NCF2: variants seen among roughly 807,000 people sequenced by gnomAD.
NCF2 encodes neutrophil cytosol factor 2.
Under a neutral mutation model 70.9 loss-of-function variants are expected in NCF2, and 45 were observed. The ratio of observed to expected loss-of-function variants is 0.63; its 90% CI spans 0.50 to 0.81. The LOEUF is 0.81. Ranked by LOEUF, NCF2 falls within the 40% of genes least tolerant of loss-of-function variation. The probability of loss-of-function intolerance (pLI) is 0.00; values close to 1 mark genes in which losing one functional copy is unlikely to be tolerated. For synonymous variants in NCF2, 203 were observed against 233.6 expected (o/e 0.87, Z 1.19); for missense variants, 522 against 631.6 (o/e 0.83, Z 1.86).
At chr1:183,563,058 G>A in intron 13 of NCF2, 137 bp downstream of exon 13, 1 of 794,126 alleles carries the variant, frequency 1.3e-6, no homozygotes. Flanking sequence ...AAGGGAGGCA[G>A]AGCTGTGACT....
intron 9 of NCF2, 94 bp downstream of exon 9, chr1:183,566,825 TC>T: frequency 6.8e-7 from 1 of 1,480,918 alleles, no homozygotes; most frequent in Non-Finnish European, 9.4e-7. Context: ...TCTCCAGGGG[TC>T]CTGACAACAC....
At chr1:183,568,738 G>A (rs1433060936) in intron 7 of NCF2, among the ~76,000 whole-genome samples, 1 of 150,854 alleles carries the variant, frequency 6.6e-6, no homozygotes, top group Non-Finnish European at 1.5e-5. Flanking sequence ...TGCAGCCAGT[G>A]CGAAACCGAT....
At chr1:183,593,753 A>G (rs7533521), upstream of NCF2, among the ~76,000 whole-genome samples, 68,520 of 151,962 alleles carry the variant, frequency 0.45, 15,885 homozygotes, top group African/African-American at 0.53. Context: ...AGTCTATTTA[A>G]TCATTACTTG....
upstream of NCF2, among the ~76,000 whole-genome samples, chr1:183,592,896 G>A (rs1008510066): frequency 6.6e-6 from 1 of 152,020 alleles, no homozygotes; most frequent in Non-Finnish European, 1.5e-5. Flanking sequence ...GCATCTGTGC[G>A]ACTCGTGCTA....
At chr1:183,566,792 C>T (rs995030312) in intron 9 of NCF2, 128 bp downstream of exon 9, 290 of 1,196,802 alleles carry the variant, frequency 2.4e-4, no homozygotes, top group African/African-American at 1.2e-4. Flanking sequence ...CATCTCAAGG[C>T]GGGCTCAAGA....
chr1:183,576,210 G>T (rs578257172), intron 3 of NCF2, among the ~76,000 whole-genome samples: 43 of 152,288 alleles, frequency 2.8e-4, no homozygotes, highest in African/African-American at 1.0e-3. Context: ...GACAAAGAGG[G>T]CCTTAGACCC....
intron 13 of NCF2, 146 bp from the exon 14 acceptor site, chr1:183,560,419 T>C: frequency 1.1e-6 from 1 of 914,028 alleles, no homozygotes; most frequent in Admixed American, 2.1e-5. Flanking sequence ...AGAGCTTATA[T>C]GCTCTTTATG....
intron 14 of NCF2, among the ~76,000 whole-genome samples, chr1:183,559,008 G>A (rs994489061): frequency 2.0e-5 from 3 of 152,292 alleles, no homozygotes; most frequent in East Asian, 1.9e-4. Context: ...TTTTTGTGTC[G>A]AGGTAGAGAA....
chr1:183,601,576 G>T, the NCF2 span, among the ~76,000 whole-genome samples: 1 of 152,166 alleles, frequency 6.6e-6, no homozygotes, highest in African/African-American at 2.4e-5. Context: ...TGGTGAATCA[G>T]GCTGAGCACG....
At position 183,556,166 on chromosome 1, in the gene NCF2, A is replaced by C; in HGVS notation, c.1533T>G (p.Val511=). 1 of 1,614,194 alleles carries C rather than the reference A, an allele frequency of 6.2e-7. No homozygotes were observed. The highest frequency in any genetic ancestry group is 8.5e-7 in the Non-Finnish European group (1 of 1,180,016). The change falls in exon 15 of 15, where the codon GTT becomes GTG. Residue 511 remains valine (V), a synonymous_variant. Transcript: ENST00000367535. ...CCAAATCTGTAGTTGCGCAGTCTTC[A>C]ACAAAAACTTTGGGGAAAATGCCCA... ...GKVGIFPKVF[V]EDCATTDLES...
upstream of NCF2, among the ~76,000 whole-genome samples, chr1:183,594,216 G>A (rs1024229523): frequency 6.6e-6 from 1 of 151,768 alleles, no homozygotes; most frequent in Non-Finnish European, 1.5e-5. Context: ...GACCAGCCTG[G>A]GCAATGAAGC....
chr1:183,556,423 C>CATG (rs1191893924), intron 14 of NCF2, among the ~76,000 whole-genome samples, 193 bp from the exon 15 acceptor site: 16 of 152,142 alleles, frequency 1.1e-4, no homozygotes, highest in African/African-American at 3.9e-4. Context: ...CTGTCTTAAA[C>CATG]ATGATAATGA....
chr1:183,593,372 CCT>C (rs59507872), upstream of NCF2, among the ~76,000 whole-genome samples: 8,596 of 152,156 alleles, frequency 0.056, 746 homozygotes, highest in African/African-American at 0.19. Flanking sequence ...CTTCATGGCC[CCT>C]GTTTTTAAAC....
chr1:183,600,711 C>A, the NCF2 span, among the ~76,000 whole-genome samples: 49 of 152,072 alleles, frequency 3.2e-4, no homozygotes, highest in African/African-American at 1.1e-3. Context: ...GGCTTAGACT[C>A]TTTTCTGGGT....
upstream of NCF2, among the ~76,000 whole-genome samples, chr1:183,593,273 A>T (rs145252977): frequency 7.8e-4 from 119 of 152,290 alleles, no homozygotes; most frequent in African/African-American, 2.8e-3. Flanking sequence ...AGGCCAAGCC[A>T]CTATCAACTC....
chr1:183,585,467 A>G (rs1169894936), intron 2 of NCF2, among the ~76,000 whole-genome samples: 1 of 152,066 alleles, frequency 6.6e-6, no homozygotes, highest in Admixed American at 6.5e-5. Context: ...CTACTGAAAA[A>G]TACACAAATT....
chr1:183,569,008 A>G, intron 7 of NCF2, 134 bp downstream of exon 7: 2 of 835,820 alleles, frequency 2.4e-6, no homozygotes, highest in Middle Eastern at 2.9e-4. Flanking sequence ...GACATTCTAG[A>G]AGAAGCCTGA....
chr1:183,599,437 T>TCTTTCTTTC, the NCF2 span, among the ~76,000 whole-genome samples: 14 of 96,786 alleles, frequency 1.4e-4, no homozygotes, highest in African/African-American at 3.9e-4. Context: ...TTTCTTTCTT[T>TCTTTCTTTC]CTTTCTTTCT....
intron 2 of NCF2, among the ~76,000 whole-genome samples, chr1:183,581,555 C>T (rs1426612303): frequency 6.6e-6 from 1 of 151,884 alleles, no homozygotes; most frequent in Non-Finnish European, 1.5e-5. Context: ...TCTCGAACTC[C>T]TGGGTTCAAG....
Sources: gnomAD v4.1 joint callset for allele counts (sites outside exome capture counted in the v4.1 genomes callset) on GRCh38, gnomAD v4.1.1 for gene constraint, MANE v1.5 for transcripts, NCBI Gene and HGNC (gene_info 2026-07-23, HGNC 2026-07-21) for gene names.